The following PLPBP variants were observed in gnomAD, a reference collection of about 807,000 sequenced individuals.
The protein encoded by PLPBP is pyridoxal phosphate binding protein, also known as pyridoxal phosphate homeostasis protein.
In PLPBP, 21 loss-of-function variants were observed where a neutral mutation model predicts 31.2. The ratio of observed to expected loss-of-function variants is 0.67; its 90% CI spans 0.48 to 0.97. The LOEUF is 0.97. Ranked by LOEUF, PLPBP falls within the 50% of genes least tolerant of loss-of-function variation. The pLI, the probability that PLPBP is intolerant of heterozygous loss-of-function variation, is 0.00. For synonymous variants in PLPBP, 124 were observed against 135.6 expected (o/e 0.91, Z 0.59); for missense variants, 308 against 354.4 (o/e 0.87, Z 1.05).
intron 7 of PLPBP, among the ~76,000 whole-genome samples, chr8:37,776,478 C>CAAAAAAAAAAAAA (rs915875297): frequency 4.7e-4 from 5 of 10,622 alleles, no homozygotes; most frequent in East Asian, 3.3e-3. Flanking sequence ...GACTCCATCT[C>CAAAAAAAAAAAAA]AAAAAAAAAA....
chr8:37,770,616 C>T (rs543914750), intron 4 of PLPBP, among the ~76,000 whole-genome samples: 4 of 152,346 alleles, frequency 2.6e-5, no homozygotes, highest in South Asian at 2.1e-4. Flanking sequence ...TCTCACTCTG[C>T]ACCCAGACTG....
intron 3 of PLPBP, 69 bp downstream of exon 3, chr8:37,765,815 C>A: frequency 6.4e-7 from 1 of 1,551,214 alleles, no homozygotes; most frequent in Non-Finnish European, 8.8e-7. Context: ...TTAGACCCAT[C>A]CTGGTGGTTG....
chr8:37,763,047 G>C (rs1337503555), intron 1 of PLPBP, among the ~76,000 whole-genome samples: 1 of 152,172 alleles, frequency 6.6e-6, no homozygotes, highest in African/African-American at 2.4e-5. Flanking sequence ...TTTCGGGGTC[G>C]ATAGCCTTGG....
chr8:37,763,729 CAT>C (rs897329457), intron 1 of PLPBP, among the ~76,000 whole-genome samples: 8 of 152,150 alleles, frequency 5.3e-5, no homozygotes, highest in African/African-American at 1.9e-4. Context: ...CAATCATCAG[CAT>C]ACTCCCAGTA....
At chr8:37,766,971 C>T (rs554321400) in intron 4 of PLPBP, among the ~76,000 whole-genome samples, 1 of 137,792 alleles carries the variant, frequency 7.3e-6, no homozygotes, top group South Asian at 2.5e-4. Context: ...CGCATGAACC[C>T]GGGAGGCAGA....
In PLPBP at chr8:37,778,498, A is replaced by T. The variant is rs1803976149; in HGVS notation, c.*394A>T. 1 of 158,136 alleles carries T rather than the reference A, an allele frequency of 6.3e-6. No individual in the cohort carries two copies. Among genetic ancestry groups the T allele is most frequent in the South Asian group, 1.9e-4 (1 of 5,404 alleles). The allele number at this position is 158,136 out of a possible 1,614,324, so 9.8% of individuals were successfully genotyped here. On this transcript the variant is annotated 3_prime_UTR_variant, in exon 8 of 8. Transcript: ENST00000328195. ...TTAATAGGAAAATTCCTTATGGTTA[A>T]CATCTCCCTACAAACTCCTACTACG...
rs1028209940 is a variant in PLPBP at position 37,776,679 on chromosome 8, A to G, written c.696+663A>G. On this transcript the variant is annotated intron_variant, in intron 7 of 7. Transcript: ENST00000328195. Reference sequence around the variant, plus strand: ...CTAAAGGAAAATAAGAAATTAAGCTATAATTTTTGGAAAGGCATTTCATTA... The same window carrying G: ...CTAAAGGAAAATAAGAAATTAAGCTGTAATTTTTGGAAAGGCATTTCATTA... Among the ~76,000 whole-genome samples, 5 of 152,130 alleles carry G rather than the reference A, an allele frequency of 3.3e-5. No individual in the cohort carries two copies. The East Asian group carries it at 9.6e-4, about 29-fold the overall frequency.
At chr8:37,771,136 A>G (rs1347894472) in intron 4 of PLPBP, among the ~76,000 whole-genome samples, 1 of 151,806 alleles carries the variant, frequency 6.6e-6, no homozygotes, top group African/African-American at 2.4e-5. Flanking sequence ...ACATATATGT[A>G]TATTTCTTTC....
In PLPBP at chr8:37,778,317, C is replaced by A; in HGVS notation, c.*213C>A. ...AGTTTGAGAAATTCAAACATTTCTG[C>A]AGAACAGATACCAAATCAATAGCTA... On this transcript the variant is annotated 3_prime_UTR_variant, in exon 8 of 8. Coordinates refer to ENST00000328195, the MANE Select transcript of PLPBP (RefSeq NM_007198.4). 1 of 418,676 alleles carries A rather than the reference C, an allele frequency of 2.4e-6. No individual in the cohort carries two copies. The highest frequency in any genetic ancestry group is 4.3e-6 in the Non-Finnish European group (1 of 234,360). 25.9% of individuals were successfully genotyped at this position (418,676 alleles called of 1,614,324 possible).
intron 5 of PLPBP, among the ~76,000 whole-genome samples, chr8:37,774,104 G>A (rs184680575): frequency 3.9e-5 from 6 of 152,018 alleles, no homozygotes; most frequent in African/African-American, 9.7e-5. Flanking sequence ...CCAGCTGCTC[G>A]GGATGCTGAG....
intron 4 of PLPBP, among the ~76,000 whole-genome samples, chr8:37,768,834 T>C (rs1014970549): frequency 5.9e-5 from 9 of 152,224 alleles, no homozygotes; most frequent in Non-Finnish European, 7.3e-5. Flanking sequence ...ATTGGCCATT[T>C]TTATGTCTTC....
intron 1 of PLPBP, among the ~76,000 whole-genome samples, chr8:37,763,919 C>T (rs1010383628): frequency 2.0e-5 from 3 of 152,178 alleles, no homozygotes; most frequent in Admixed American, 2.0e-4. Context: ...CGAATCTCTT[C>T]TCTTACTGTT....
At position 37,775,322 on chromosome 8, in the gene PLPBP, T is replaced by C; in HGVS notation, c.455-17T>C. The C allele has an allele frequency of 6.2e-7, 1 of 1,614,122 alleles. No individual in the cohort carries two copies. Among genetic ancestry groups the C allele is most frequent in the Non-Finnish European group, 8.5e-7 (1 of 1,179,930 alleles). ...TTACCCTTGCAGTATACCTGTTTTC[T>C]GTTTCTTTTCTTGAAGGTAAACATG... On this transcript the variant is annotated splice_polypyrimidine_tract_variant and intron_variant, in intron 5 of 7. Coordinates refer to ENST00000328195, the MANE Select transcript of PLPBP (RefSeq NM_007198.4).
intron 4 of PLPBP, among the ~76,000 whole-genome samples, chr8:37,771,303 AT>A (rs891196889): frequency 5.3e-5 from 8 of 151,092 alleles, no homozygotes; most frequent in Non-Finnish European, 1.2e-4. Context: ...GGCCTGGCTA[AT>A]TTTTTTTGTA....
chr8:37,775,056 A>AT (rs1401629281), intron 5 of PLPBP: 8 of 243,254 alleles, frequency 3.3e-5, no homozygotes, highest in Non-Finnish European at 6.2e-5. Flanking sequence ...AAAAAGCAAG[A>AT]TTTTTTCTTT....
At chr8:37,776,043 G>A (rs1196079061) in intron 7 of PLPBP, 27 bp downstream of exon 7, 2 of 1,593,730 alleles carry the variant, frequency 1.3e-6, no homozygotes, top group South Asian at 2.2e-5. Context: ...TGCCCTGTCT[G>A]CCTCGAGGGG....
intron 5 of PLPBP, chr8:37,774,966 A>G (rs181191259): frequency 6.3e-6 from 1 of 159,152 alleles, no homozygotes; most frequent in African/African-American, 2.4e-5. Flanking sequence ...AATTAATAAA[A>G]CTATAAAAAT....
chr8:37,773,619 C>CTGGGAT (rs1803831944), intron 5 of PLPBP, among the ~76,000 whole-genome samples: 1 of 152,042 alleles, frequency 6.6e-6, no homozygotes, highest in African/African-American at 2.4e-5. Flanking sequence ...CAGGCACGCG[C>CTGGGAT]TACCACGCCC....
At chr8:37,777,636 C>T (rs1418484660) in intron 7 of PLPBP, among the ~76,000 whole-genome samples, 1 of 152,138 alleles carries the variant, frequency 6.6e-6, no homozygotes, top group African/African-American at 2.4e-5. Flanking sequence ...TGCAATGGCG[C>T]AACCTCTGCT....
Sources: gnomAD v4.1 joint callset for allele counts (sites outside exome capture counted in the v4.1 genomes callset) on GRCh38, gnomAD v4.1.1 for gene constraint, MANE v1.5 for transcripts, NCBI Gene and HGNC (gene_info 2026-07-23, HGNC 2026-07-21) for gene names.